The following RNF17 variants were observed in gnomAD, a reference collection of about 807,000 sequenced individuals.
The protein encoded by RNF17 is ring finger protein 17.
Under a neutral mutation model 200.5 loss-of-function variants are expected in RNF17, and 31 were observed. That is an observed-to-expected ratio of 0.15 (90% confidence interval 0.12 to 0.21). The LOEUF is 0.21. Ranked by LOEUF, RNF17 falls within the 10% of genes least tolerant of loss-of-function variation. The pLI is 1.00. For missense variants in RNF17, 1,628 were observed against 1,905.1 expected (o/e 0.85, Z 2.71); for synonymous variants, 606 against 637.8 (o/e 0.95, Z 0.75).
chr13:24,829,261 A>G (rs1165832737), intron 16 of RNF17, among the ~76,000 whole-genome samples: 2 of 152,070 alleles, frequency 1.3e-5, no homozygotes, highest in Non-Finnish European at 2.9e-5. Context: ...TTTCGCATGG[A>G]GCCATCTTCC....
downstream of RNF17, chr13:24,883,431 A>AAAAC: frequency 7.5e-7 from 1 of 1,328,488 alleles, no homozygotes; most frequent in Non-Finnish European, 1.0e-6. Context: ...AAACAACAGA[A>AAAAC]AAACTACTGA....
intron 33 of RNF17, among the ~76,000 whole-genome samples, chr13:24,876,196 T>G (rs1894837991): frequency 6.6e-6 from 1 of 152,244 alleles, no homozygotes; most frequent in South Asian, 2.1e-4. Flanking sequence ...CTTACAAATG[T>G]GTCATGATCT....
chr13:24,850,534 A>T, intron 23 of RNF17, 91 bp downstream of exon 23: 1 of 834,320 alleles, frequency 1.2e-6, no homozygotes. Flanking sequence ...AATAGCAGCC[A>T]ACTATTTGGA....
At position 24,764,864 on chromosome 13, in the gene RNF17, T is replaced by TAA. The variant is rs372027433; in HGVS notation, c.130+532_130+533insAA. On this transcript the variant is annotated intron_variant, in intron 1 of 35. Transcript: ENST00000255324. ...GCCTAAAACACTGTTTGGAAAATGA[T>TAA]AGTTTCTTTTGTGCACCTTGTGGGG... 3.0e-3 allele frequency among the ~76,000 whole-genome samples: 449 copies of TAA among 150,124 alleles called. 2 individuals are homozygous for TAA. Among genetic ancestry groups the TAA allele is most frequent in the African/African-American group, 9.7e-3 (398 of 40,836 alleles).
At chr13:24,820,318 C>T (rs558684379) in intron 15 of RNF17, among the ~76,000 whole-genome samples, 2 of 152,076 alleles carry the variant, frequency 1.3e-5, no homozygotes, top group East Asian at 1.9e-4. Context: ...GATGGGGTTT[C>T]ACCATGTTGG....
At position 24,859,151 on chromosome 13, in the gene RNF17, G is replaced by C; in HGVS notation, c.3761G>C (p.Gly1254Ala). 1 of 1,599,444 alleles carries C rather than the reference G, an allele frequency of 6.3e-7. No individual in the cohort carries two copies. Among genetic ancestry groups the C allele is most frequent in the Non-Finnish European group, 8.5e-7 (1 of 1,171,472 alleles). The change falls in exon 26 of 36, where the codon GGT becomes GCT. Residue 1254 changes from glycine to alanine, a missense_variant. By Grantham distance (60) the Gly-to-Ala change is moderately conservative. Around this residue, in one of 5 missense-constraint regions of RNF17, gnomAD observed 609 missense variants for 681.9 expected, o/e 0.89. Coordinates refer to ENST00000255324, the MANE Select transcript of RNF17 (RefSeq NM_031277.3). Reference protein sequence around the residue: ...WYRGKVMEVVGGAVRVQYLDH... With the variant: ...WYRGKVMEVVAGAVRVQYLDH... ...CGTGGCAAGGTGATGGAGGTTGTAG[G>C]TGGCGCTGTCAGAGTGAGTCTGATA...
Position 24,781,838 on chromosome 13 carries a change from TTC to T in RNF17, c.511-5_511-4del. ...TAAGTTTTTGTCTTGTTTTTTTTTT[TTC>T]CAGGCACTTGAACACATGCAGAAGC... On this transcript the variant is annotated splice_polypyrimidine_tract_variant and splice_region_variant and intron_variant, in intron 5 of 35. Coordinates refer to ENST00000255324, the MANE Select transcript of RNF17 (RefSeq NM_031277.3). 1 of 1,557,702 alleles carries T rather than the reference TTC, an allele frequency of 6.4e-7. No individual in the cohort carries two copies. The highest frequency in any genetic ancestry group is 8.7e-7 in the Non-Finnish European group (1 of 1,155,808).
At chr13:24,860,299 A>C (rs780971819) in intron 26 of RNF17, among the ~76,000 whole-genome samples, 30 of 152,084 alleles carry the variant, frequency 2.0e-4, no homozygotes, top group Non-Finnish European at 3.1e-4. Flanking sequence ...TTTTATAAAA[A>C]TTCTCATGCT....
intron 1 of RNF17, among the ~76,000 whole-genome samples, chr13:24,764,662 T>C (rs2137852031): frequency 6.6e-6 from 1 of 152,328 alleles, no homozygotes; most frequent in Non-Finnish European, 1.5e-5. Flanking sequence ...AGACATAAAA[T>C]GTAGCCCATT....
rs932541546 is a variant in RNF17 at position 24,782,582 on chromosome 13, A to G, written c.611+638A>G. ...GGATTACATGGTGATCATCCTGTCT[A>G]AGCTCACTTTGGGAGGCTGAGATGG... On this transcript the variant is annotated intron_variant, in intron 6 of 35. Transcript: ENST00000255324. 4.2e-5 allele frequency among the ~76,000 whole-genome samples: 6 copies of G among 144,094 alleles called. No individual in the cohort carries two copies. The Admixed American group carries it at 4.3e-4, about 10-fold the overall frequency. The allele number at this position is 144,094 out of a possible 152,430, so 94.5% of individuals were successfully genotyped here. A position where few individuals can be genotyped will look rare whatever the true frequency, so the allele number is the denominator to read the frequency against.
At chr13:24,827,701 CAAAAAAAAAAAAAAAACA>C (rs1287919113) in intron 16 of RNF17, among the ~76,000 whole-genome samples, 2 of 12,242 alleles carry the variant, frequency 1.6e-4, no homozygotes, top group Non-Finnish European at 2.7e-4. Context: ...GACTCCGTCT[CAAAAAAAAAAAAAAAACA>C]AAAAAAAAAA....
intron 5 of RNF17, among the ~76,000 whole-genome samples, chr13:24,781,601 A>T (rs982800445): frequency 6.6e-6 from 1 of 152,168 alleles, no homozygotes; most frequent in Non-Finnish European, 1.5e-5. Flanking sequence ...AGCCTACTGC[A>T]CTCCAGCCTG....
chr13:24,788,216 T>C, intron 7 of RNF17, 57 bp downstream of exon 7: 2 of 1,318,788 alleles, frequency 1.5e-6, no homozygotes, highest in Non-Finnish European at 2.1e-6. Context: ...TTACATGCTT[T>C]GGAATATATT....
chr13:24,865,040 A>C (rs767691157), intron 29 of RNF17, 42 bp downstream of exon 29: 1 of 1,437,396 alleles, frequency 7.0e-7, no homozygotes, highest in Non-Finnish European at 9.5e-7. Context: ...AGTGTAGAAA[A>C]GTCTAGTTAA....
At chr13:24,757,634 T>C in the RNF17 span, among the ~76,000 whole-genome samples, 9 of 152,204 alleles carry the variant, frequency 5.9e-5, no homozygotes, top group Non-Finnish European at 1.3e-4. Flanking sequence ...GACAATATTC[T>C]TAAGTATAAA....
the RNF17 span, among the ~76,000 whole-genome samples, chr13:24,757,205 G>A: frequency 1.2e-4 from 2 of 16,346 alleles, no homozygotes; most frequent in African/African-American, 2.4e-4. Flanking sequence ...ATACAGAACA[G>A]TCCTTTCATC....
rs147010849 is a variant in RNF17 at position 24,792,821 on chromosome 13, A to G, written c.936-221A>G. 5.3e-3 allele frequency among the ~76,000 whole-genome samples: 807 copies of G among 152,312 alleles called. 6 individuals are homozygous for G. The highest frequency in any genetic ancestry group is 0.018 in the African/African-American group (746 of 41,570). On this transcript the variant is annotated intron_variant, in intron 9 of 35. Coordinates refer to ENST00000255324, the MANE Select transcript of RNF17 (RefSeq NM_031277.3). ...AATCTTATCTCATTGTAAAATTTCT[A>G]TACTTGTAGATTTGATAGCCTAAAA...
At chr13:24,747,958 C>T in the RNF17 span, among the ~76,000 whole-genome samples, 1 of 152,202 alleles carries the variant, frequency 6.6e-6, no homozygotes, top group South Asian at 2.1e-4. Flanking sequence ...AGCCTCGGCC[C>T]GGTACCGGCG....
Position 24,879,146 on chromosome 13 carries a change from G to T in RNF17, c.4774-41G>T, listed in dbSNP as rs751093464. The T allele has an allele frequency of 2.7e-5, 39 of 1,467,744 alleles. No individual in the cohort carries two copies. The Admixed American group carries it at 3.9e-4, about 15-fold the overall frequency. The allele number at this position is 1,467,744 out of a possible 1,614,324, so 90.9% of individuals were successfully genotyped here. On this transcript the variant is annotated intron_variant, in intron 34 of 35. Coordinates refer to ENST00000255324, the MANE Select transcript of RNF17 (RefSeq NM_031277.3). ...GATATGAGAGGGAAAAGGCAGCAAA[G>T]ACATTACTGTTTTCTTGACAACTGT...
Sources: allele counts gnomAD v4.1 joint callset (sites outside exome capture counted in the v4.1 genomes callset), GRCh38; gene constraint gnomAD v4.1.1; regional missense constraint gnomAD v4.1.1; transcripts MANE v1.5; gene names NCBI Gene and HGNC (gene_info 2026-07-23, HGNC 2026-07-21).